PKP1: variants seen among roughly 807,000 people sequenced by gnomAD.
The protein encoded by PKP1 is plakophilin-1.
PKP1 carries 27 observed loss-of-function variants against 76.4 expected under a neutral mutation model. The observed-to-expected ratio is 0.35, with a 90% CI of 0.26 to 0.49. PKP1 has a LOEUF of 0.49. PKP1 is among the 20% of genes least tolerant of loss of function. The pLI is 0.99. For synonymous variants in PKP1, 404 were observed against 384.2 expected, an observed-to-expected ratio of 1.05 and a Z score of -0.60; for missense variants, 964 against 955.2, an observed-to-expected ratio of 1.01 and a Z score of -0.12.
chr1:201,313,645 C>T, intron 3 of PKP1, 85 bp downstream of exon 3: 2 of 1,385,146 alleles, frequency 1.4e-6, no homozygotes, highest in Non-Finnish European at 2.0e-6. Flanking sequence ...GCAAAGGGCT[C>T]CTGGGATGAC....
rs138678921 is a variant in PKP1, at chr1:201,324,521, C to A, written c.1774C>A (p.Arg592=). 3 of 1,614,098 alleles carry A rather than the reference C, an allele frequency of 1.9e-6. No homozygotes were observed. Among genetic ancestry groups the A allele is most frequent in the Non-Finnish European group, 2.5e-6 (3 of 1,179,990 alleles). The change falls in exon 10 of 14, where the codon CGG becomes AGG. Residue 592 remains arginine (R), a synonymous_variant. Transcript: ENST00000367324. ...GCAATCTGGCAACTCTGATGTGGTG[C>A]GGTCCGGAGCCTCCCTCCTGAGCAA... ...LLQSGNSDVV[R]SGASLLSNMS...
In PKP1 at chr1:201,299,089, G is replaced by A. The variant is rs575565520; in HGVS notation, c.306+5044G>A. 6.6e-5 allele frequency among the ~76,000 whole-genome samples: 10 copies of A among 152,268 alleles called. No individual in the cohort carries two copies. The South Asian group carries it at 8.3e-4, about 13-fold the overall frequency. The stretch of plus-strand genomic sequence containing the variant: ...CAGAGGGGCTGCCGGGGAGAAACAC[G>A]GTAGGACTCCTACCCTAGCAGCAGC... On this transcript the variant is annotated intron_variant, in intron 2 of 13. Transcript: ENST00000367324.
intron 2 of PKP1, among the ~76,000 whole-genome samples, chr1:201,298,880 G>T (rs1656143670): frequency 6.6e-6 from 1 of 152,188 alleles, no homozygotes; most frequent in African/African-American, 2.4e-5. Flanking sequence ...AACTGATCTT[G>T]GCCACCCTAG....
intron 1 of PKP1, among the ~76,000 whole-genome samples, chr1:201,287,612 G>T (rs997492958): frequency 5.9e-5 from 9 of 152,186 alleles, no homozygotes; most frequent in African/African-American, 2.2e-4. Flanking sequence ...ATGTACCTTG[G>T]CTTGAAGTTG....
intron 10 of PKP1, 116 bp from the exon 11 acceptor site, chr1:201,324,825 C>T: frequency 8.6e-7 from 1 of 1,163,364 alleles, no homozygotes; most frequent in Non-Finnish European, 1.3e-6. Context: ...GCCCTGAGGG[C>T]CACCTGGCTC....
intron 9 of PKP1, 75 bp downstream of exon 9, chr1:201,323,264 T>C (rs1657004443): frequency 8.4e-6 from 12 of 1,425,496 alleles, no homozygotes; most frequent in South Asian, 2.3e-5. Context: ...TCCCTCCTTT[T>C]CCCCCCAGCC....
chr1:201,317,512 G>C (rs536949950), intron 4 of PKP1, 60 bp from the exon 5 acceptor site: 5 of 1,424,132 alleles, frequency 3.5e-6, no homozygotes, highest in Admixed American at 1.7e-5. Context: ...TTTGAGTAGA[G>C]AATAACTAGA....
In PKP1 at chr1:201,286,952, C is replaced by T. The variant is rs78716069; in HGVS notation, c.202+3048C>T. ...TAAAGCTGAACCTGAATCTCACTTG[C>T]CCTAACCCAAGCGCTCCCCCGCCAC... On this transcript the variant is annotated intron_variant, in intron 1 of 13. Transcript: ENST00000367324. Among the ~76,000 whole-genome samples the T allele has an allele frequency of 6.0e-3, 911 of 152,236 alleles. 10 individuals carry two copies. The highest frequency in any genetic ancestry group is 0.021 in the African/African-American group (884 of 41,538).
chr1:201,301,517 C>T (rs1656229910), intron 2 of PKP1, among the ~76,000 whole-genome samples: 1 of 152,098 alleles, frequency 6.6e-6, no homozygotes. Flanking sequence ...TCGATTTCTT[C>T]CATTCTGATG....
At chr1:201,287,226 A>G (rs1448080132) in intron 1 of PKP1, among the ~76,000 whole-genome samples, 1 of 152,176 alleles carries the variant, frequency 6.6e-6, no homozygotes, top group Non-Finnish European at 1.5e-5. Context: ...GGCTGGAGGC[A>G]ACATTGAGCC....
At chr1:201,297,665 C>T (rs1292749409) in intron 2 of PKP1, among the ~76,000 whole-genome samples, 1 of 152,170 alleles carries the variant, frequency 6.6e-6, no homozygotes, top group African/African-American at 2.4e-5. Context: ...TTATGACTGC[C>T]ATTCTGTGGG....
At chr1:201,318,572 C>T in intron 5 of PKP1, 46 bp from the exon 6 acceptor site, 2 of 1,577,016 alleles carry the variant, frequency 1.3e-6, no homozygotes, top group Non-Finnish European at 1.7e-6. Context: ...GTCCCTAGGG[C>T]ATCCTGAGCC....
At chr1:201,306,277 C>T (rs932031849) in intron 2 of PKP1, among the ~76,000 whole-genome samples, 11 of 152,240 alleles carry the variant, frequency 7.2e-5, no homozygotes, top group Admixed American at 1.3e-4. Context: ...GATGCAGGAG[C>T]TGGCATAGTT....
At chr1:201,320,054 T>A (rs1656888708) in intron 6 of PKP1, 1 of 725,086 alleles carries the variant, frequency 1.4e-6, no homozygotes, top group Non-Finnish European at 2.4e-6. Flanking sequence ...TCCGTTTTCA[T>A]CTTTTCCTCT....
chr1:201,310,502 T>C (rs764520214), intron 2 of PKP1, among the ~76,000 whole-genome samples: 1 of 152,210 alleles, frequency 6.6e-6, no homozygotes, highest in Non-Finnish European at 1.5e-5. Context: ...GTTGCTGCCG[T>C]TTCAGCCTTC....
At chr1:201,309,353 C>T (rs1220854686) in intron 2 of PKP1, among the ~76,000 whole-genome samples, 6 of 151,994 alleles carry the variant, frequency 3.9e-5, no homozygotes, top group Non-Finnish European at 4.4e-5. Context: ...TAGCTAAAAG[C>T]AGCTTTTCCT....
In PKP1 at chr1:201,317,689, A is replaced by G. The variant is rs753419415; in HGVS notation, c.964A>G (p.Lys322Glu). The change falls in exon 5 of 14, where the codon AAG becomes GAG. Residue 322 changes from lysine (K) to glutamate (E), a missense_variant. Physicochemically the swap from Lys to Glu is moderately conservative, Grantham distance 56. Transcript: ENST00000367324. The stretch of plus-strand genomic sequence containing the variant: ...CCTGGTGTTCAGGAGCACCACCAAC[A>G]AGCTGGAGACCCGGAGGCAGAATGG... Reference protein sequence around the residue: ...RNLVFRSTTNKLETRRQNGIR... With the variant: ...RNLVFRSTTNELETRRQNGIR... 5.6e-6 allele frequency: 9 copies of G among 1,613,556 alleles called. No homozygotes were observed. In the African/African-American group the frequency reaches 6.7e-5, roughly 12 times the overall value.
intron 2 of PKP1, among the ~76,000 whole-genome samples, chr1:201,301,539 G>A (rs1656230277): frequency 6.6e-6 from 1 of 152,114 alleles, no homozygotes; most frequent in South Asian, 2.1e-4. Flanking sequence ...GATACTGTGA[G>A]GCAGACAATT....
intron 1 of PKP1, among the ~76,000 whole-genome samples, chr1:201,288,767 A>C (rs1216096273): frequency 6.6e-6 from 1 of 151,178 alleles, no homozygotes; most frequent in Non-Finnish European, 1.5e-5. Context: ...TCCTGTCCCC[A>C]CAGGATGCTC....
Sources: allele counts gnomAD v4.1 joint callset (sites outside exome capture counted in the v4.1 genomes callset), GRCh38; gene constraint gnomAD v4.1.1; transcripts MANE v1.5; gene names NCBI Gene and HGNC (gene_info 2026-07-23, HGNC 2026-07-21).